Variants in FADS2 observed in about 807,000 individuals in gnomAD.
FADS2 encodes fatty acid desaturase 2.
A neutral mutation model predicts 61.2 loss-of-function variants in FADS2; 18 were observed. That is an observed-to-expected ratio of 0.29 (90% CI 0.20 to 0.44). The LOEUF (loss-of-function observed/expected upper bound fraction) is 0.44, where lower values mean the gene tolerates loss of function less well. FADS2 is among the 20% of genes least tolerant of loss of function. The pLI is 1.00. For synonymous variants in FADS2, 203 were observed against 223.9 expected (o/e 0.91, Z 0.83); for missense variants, 322 against 572.7 (o/e 0.56, Z 4.47).
At chr11:61,816,216 T>C (rs147597372), upstream of FADS2, 8 of 1,575,574 alleles carry the variant, frequency 5.1e-6, no homozygotes, top group African/African-American at 8.1e-5. This position sits in a 1 kb window ranked among gnomAD's most constrained non-coding sequence, Gnocchi z 7.0. Flanking sequence ...CTTGCTCTCC[T>C]CCCTCCTAGC....
chr11:61,824,222 A>C (rs1489605016), upstream of FADS2, among the ~76,000 whole-genome samples: 2 of 151,714 alleles, frequency 1.3e-5, no homozygotes. Context: ...TCTCTACTAA[A>C]AATACAAAAT....
intron 1 of FADS2, among the ~76,000 whole-genome samples, chr11:61,834,782 C>A (rs996709980): frequency 1.3e-5 from 2 of 152,132 alleles, no homozygotes; most frequent in African/African-American, 2.4e-5. Flanking sequence ...TGAGGAGGAC[C>A]AATGAAGGGG....
intron 1 of FADS2, among the ~76,000 whole-genome samples, chr11:61,835,804 T>C (rs2067169282): frequency 6.6e-6 from 1 of 152,206 alleles, no homozygotes; most frequent in African/African-American, 2.4e-5. Context: ...TTGCCACATT[T>C]GCGTTTTTCC....
At chr11:61,826,216 T>C (rs1330952054), upstream of FADS2, 4 of 702,498 alleles carry the variant, frequency 5.7e-6, no homozygotes, top group East Asian at 1.1e-4. Context: ...GCCGGCCTCA[T>C]TGGAGCCATT....
chr11:61,842,243 C>T lies in FADS2; in HGVS notation c.618+1518C>T, dbSNP rs539823571. Among the ~76,000 whole-genome samples, 17 of 152,356 alleles carry T rather than the reference C, an allele frequency of 1.1e-4. No homozygotes were observed. In the South Asian group the frequency reaches 1.2e-3, roughly 11 times the overall value. On this transcript the variant is annotated intron_variant, in intron 4 of 11. Transcript: ENST00000278840. ...CCACCCCTGAGCTGGTCACCAGTTT[C>T]GCAGCGAGCAGCTTGCCTGGCCCTG...
At chr11:61,837,587 C>T (rs1357317282) in intron 1 of FADS2, among the ~76,000 whole-genome samples, 191 bp from the exon 2 acceptor site, 1 of 152,218 alleles carries the variant, frequency 6.6e-6, no homozygotes, top group Admixed American at 6.5e-5. Context: ...TGGCTGTTGC[C>T]ATTGGCGTTG....
At chr11:61,860,425 C>T (rs757109416) in intron 7 of FADS2, among the ~76,000 whole-genome samples, 7 of 152,226 alleles carry the variant, frequency 4.6e-5, no homozygotes, top group East Asian at 1.9e-4. Flanking sequence ...GATGCTCCCA[C>T]GCTTCACCCT....
upstream of FADS2, chr11:61,826,288 A>G: frequency 1.4e-6 from 1 of 702,466 alleles, no homozygotes; most frequent in East Asian, 2.7e-5. Flanking sequence ...TTCAGGACCT[A>G]CCCTGGCTGG....
At chr11:61,819,917 G>A (rs2067025122) in intron 1 of FADS2, among the ~76,000 whole-genome samples, 1 of 139,514 alleles carries the variant, frequency 7.2e-6, no homozygotes, top group African/African-American at 2.7e-5. Flanking sequence ...TGGCTACAGA[G>A]ATAACTGTTC....
At chr11:61,860,851 T>C (rs1206365861) in intron 7 of FADS2, among the ~76,000 whole-genome samples, 1 of 152,140 alleles carries the variant, frequency 6.6e-6, no homozygotes, top group Non-Finnish European at 1.5e-5. Context: ...GAGGCTGCAG[T>C]GAGCTGTGAT....
upstream of FADS2, among the ~76,000 whole-genome samples, chr11:61,824,464 GA>G (rs2067060102): frequency 3.5e-4 from 2 of 5,642 alleles, no homozygotes; most frequent in African/African-American, 5.1e-4. Flanking sequence ...GGGAGGGAGA[GA>G]GAGAGAGAGA....
intron 7 of FADS2, among the ~76,000 whole-genome samples, chr11:61,857,741 G>T (rs924840317): frequency 6.6e-6 from 1 of 152,152 alleles, no homozygotes; most frequent in East Asian, 1.9e-4. Flanking sequence ...CAGACATAGG[G>T]AGTCCACTGG....
intron 5 of FADS2, 21 bp from the exon 6 acceptor site, chr11:61,856,990 T>C (rs778978622): frequency 1.2e-6 from 2 of 1,609,950 alleles, no homozygotes; most frequent in Non-Finnish European, 1.7e-6. Context: ...TGGGTGCTCA[T>C]GATCTCTCCT....
In FADS2 at chr11:61,816,663, C is replaced by T; in HGVS notation, c.141+237C>T. On this transcript the variant is annotated intron_variant, in intron 1 of 11. Coordinates refer to the FADS2 transcript ENST00000257261. The surrounding 1 kb of genome is among the most constrained non-coding windows in gnomAD (Gnocchi z 7.0). ...TACGGTCGATCACTAGCCACCGCTC[C>T]TCGCACCCTGAGCGCTGGGCCACCT... The T allele has an allele frequency of 6.3e-7, 1 of 1,598,804 alleles. No individual in the cohort carries two copies. The highest frequency in any genetic ancestry group is 2.3e-5 in the East Asian group (1 of 44,048).
At chr11:61,854,070 G>C (rs2135972867) in intron 5 of FADS2, 1 of 152,416 alleles carries the variant, frequency 6.6e-6, no homozygotes, top group East Asian at 1.9e-4. Context: ...ACCGCAGCCT[G>C]GGAAGGCACT....
At chr11:61,845,775 A>T (rs1361806873) in intron 4 of FADS2, among the ~76,000 whole-genome samples, 1 of 142,450 alleles carries the variant, frequency 7.0e-6, no homozygotes, top group Non-Finnish European at 1.5e-5. Flanking sequence ...CAAGAGCAAA[A>T]CTCTGTCTCA....
Position 61,828,675 on chromosome 11 carries a change from C to A in FADS2, c.207+78C>A. 1 of 1,328,624 alleles carries A rather than the reference C, an allele frequency of 7.5e-7. No homozygotes were observed. Among genetic ancestry groups the A allele is most frequent in the Non-Finnish European group, 1.1e-6 (1 of 952,100 alleles). 82.3% of individuals were successfully genotyped at this position (1,328,624 alleles called of 1,614,324 possible). A position where few individuals can be genotyped will look rare whatever the true frequency, so the allele number is the denominator to read the frequency against. On this transcript the variant is annotated intron_variant, in intron 1 of 11. Transcript: ENST00000278840. The surrounding 1 kb of genome is among the most constrained non-coding windows in gnomAD (Gnocchi z 6.4). ...GATCCCTGGCTCCCCGTGGGCCAAA[C>A]AGACCTCCGGCGCTGAATGGAGCTT...
At chr11:61,863,635 G>A in intron 9 of FADS2, 72 bp from the exon 10 acceptor site, 2 of 1,334,182 alleles carry the variant, frequency 1.5e-6, no homozygotes, top group Non-Finnish European at 2.1e-6. Flanking sequence ...GGGTAAGGCT[G>A]GGCCCCCTGG....
At chr11:61,846,492 G>A (rs1280978751) in intron 4 of FADS2, 1 of 150,952 alleles carries the variant, frequency 6.6e-6, no homozygotes, top group African/African-American at 2.4e-5. Context: ...TACTGCAAAG[G>A]CCACAGCTGT....
Sources: allele counts gnomAD v4.1 joint callset (sites outside exome capture counted in the v4.1 genomes callset), GRCh38; gene constraint gnomAD v4.1.1; non-coding constraint Gnocchi (gnomAD v3.1); transcripts MANE v1.5; gene names NCBI Gene and HGNC (gene_info 2026-07-23, HGNC 2026-07-21).